Variants in ECE1 observed in about 807,000 individuals in gnomAD.
The protein encoded by ECE1 is endothelin-converting enzyme 1.
In ECE1, 35 loss-of-function variants were observed where a neutral mutation model predicts 98.6. The observed-to-expected ratio is 0.35, with a 90% confidence interval of 0.27 to 0.47. The LOEUF (loss-of-function observed/expected upper bound fraction) is 0.47, where lower values mean the gene tolerates loss of function less well. ECE1 is among the 20% of genes least tolerant of loss of function. The pLI, the probability that ECE1 is intolerant of heterozygous loss-of-function variation, is 1.00. For missense variants in ECE1, 814 were observed against 1,025.3 expected, an observed-to-expected ratio of 0.79 and a Z score of 2.81; for synonymous variants, 394 against 407.1, an observed-to-expected ratio of 0.97 and a Z score of 0.39.
At position 21,219,721 on chromosome 1, in the gene ECE1, G is replaced by A; in HGVS notation, c.*234C>T. On this transcript the variant is annotated 3_prime_UTR_variant, in exon 19 of 19. Coordinates refer to ENST00000374893, the MANE Select transcript of ECE1 (RefSeq NM_001397.3). This position sits in a 1 kb window ranked among gnomAD's most constrained non-coding sequence, Gnocchi z 4.5. The stretch of plus-strand genomic sequence containing the variant: ...TGAGCCACCAGCCCAGCACCCGAAT[G>A]CCTGCTGAAGGTGGCGCACACGTGT... 1.7e-6 allele frequency: 1 copy of A among 583,272 alleles called. No homozygotes were observed. Among genetic ancestry groups the A allele is most frequent in the Admixed American group, 2.8e-5 (1 of 35,472 alleles). 36.1% of individuals were successfully genotyped at this position (583,272 alleles called of 1,614,324 possible). A position where few individuals can be genotyped will look rare whatever the true frequency, so the allele number is the denominator to read the frequency against.
At chr1:21,296,525 AAG>A (rs887140775) in intron 1 of ECE1, among the ~76,000 whole-genome samples, 26 of 152,126 alleles carry the variant, frequency 1.7e-4, no homozygotes, top group South Asian at 1.7e-3. Context: ...CTACAAAAAA[AAG>A]AGAGAGAAAT....
chr1:21,315,789 CAA>C (rs754647376), intron 1 of ECE1, among the ~76,000 whole-genome samples: 23 of 47,268 alleles, frequency 4.9e-4, no homozygotes, highest in African/African-American at 4.7e-4. Context: ...GACTCTGTCT[CAA>C]AAAAAAAAAA....
At chr1:21,232,051 G>A (rs1010793601) in intron 14 of ECE1, among the ~76,000 whole-genome samples, 3 of 152,252 alleles carry the variant, frequency 2.0e-5, no homozygotes, top group South Asian at 2.1e-4. Flanking sequence ...CCTATGCCAT[G>A]TTCTGAAGGT....
intron 1 of ECE1, among the ~76,000 whole-genome samples, chr1:21,326,327 G>A (rs1639078396): frequency 6.6e-6 from 1 of 151,924 alleles, no homozygotes; most frequent in African/African-American, 2.4e-5. Context: ...AGCTGAGAAG[G>A]GTGAAGCCCC....
chr1:21,326,056 G>A (rs1026452416), intron 1 of ECE1, among the ~76,000 whole-genome samples: 49 of 152,340 alleles, frequency 3.2e-4, no homozygotes, highest in African/African-American at 1.1e-3. Context: ...CCTGGACCCA[G>A]TGGGGTGTGG....
chr1:21,258,595 C>A lies in ECE1; in HGVS notation c.762+98G>T. 3 of 1,224,188 alleles carry A rather than the reference C, an allele frequency of 2.5e-6. No individual in the cohort carries two copies. The highest frequency in any genetic ancestry group is 3.5e-6 in the Non-Finnish European group (3 of 859,104). The allele number at this position is 1,224,188 out of a possible 1,614,324, so 75.8% of individuals were successfully genotyped here. On this transcript the variant is annotated intron_variant, in intron 6 of 18. Transcript: ENST00000374893. The surrounding 1 kb of genome is among the most constrained non-coding windows in gnomAD (Gnocchi z 4.2). The stretch of plus-strand genomic sequence containing the variant: ...AGAAACTAGAAGACCGCCGTCCCAC[C>A]CAGGGCAAGCCCCTCTCCCACCCCA...
chr1:21,333,009 A>G (rs1639236064), intron 1 of ECE1, among the ~76,000 whole-genome samples: 1 of 152,100 alleles, frequency 6.6e-6, no homozygotes, highest in African/African-American at 2.4e-5. Context: ...CTCACTGAAT[A>G]TTTGCAGTCT....
At chr1:21,255,807 G>C in intron 8 of ECE1, 140 bp downstream of exon 8, 1 of 937,160 alleles carries the variant, frequency 1.1e-6, no homozygotes, top group Non-Finnish European at 1.6e-6. Flanking sequence ...TTCCATCTGT[G>C]GACTGGGCAT....
rs1475995629 is a variant in ECE1 at position 21,236,830 on chromosome 1, G to A, written c.1404C>T (p.Ile468=). ...CCTCAAATGCCTTCTTAATCTCCAGGATGATCTCGGTGGCCTGAGGAGATA... is the reference window on the plus strand; with the variant it reads ...CCTCAAATGCCTTCTTAATCTCCAGAATGATCTCGGTGGCCTGAGGAGATA... The part of the protein sequence containing the change: ...EDSKSIATEI[I]LEIKKAFEES... Residue 468 remains isoleucine (I), a synonymous_variant, in exon 12 of 19, where the codon ATC becomes ATT. Coordinates refer to ENST00000374893, the MANE Select transcript of ECE1 (RefSeq NM_001397.3). 2.5e-6 allele frequency: 4 copies of A among 1,613,700 alleles called. No homozygotes were observed. Among genetic ancestry groups the A allele is most frequent in the Non-Finnish European group, 3.4e-6 (4 of 1,180,000 alleles).
At chr1:21,226,347 G>A (rs1466036640) in intron 16 of ECE1, among the ~76,000 whole-genome samples, 1 of 152,154 alleles carries the variant, frequency 6.6e-6, no homozygotes, top group Non-Finnish European at 1.5e-5. Context: ...CAATCACCAC[G>A]GGAGGGTGGA....
chr1:21,245,690 C>T (rs751723923), intron 9 of ECE1, among the ~76,000 whole-genome samples: 2 of 152,048 alleles, frequency 1.3e-5, no homozygotes, highest in Non-Finnish European at 2.9e-5. Flanking sequence ...ACCAAAATGC[C>T]TGATAATGAG....
At chr1:21,274,489 T>C (rs1217041878) in intron 3 of ECE1, among the ~76,000 whole-genome samples, 2 of 152,118 alleles carry the variant, frequency 1.3e-5, no homozygotes, top group African/African-American at 2.4e-5. Context: ...GGAAGAAAGG[T>C]AGGACCAATT....
intron 17 of ECE1, among the ~76,000 whole-genome samples, chr1:21,222,833 C>A (rs1294598480): frequency 7.8e-6 from 1 of 128,174 alleles, no homozygotes; most frequent in African/African-American, 3.0e-5. Context: ...CAGAGTGAGA[C>A]CCTGTCTCAA....
rs564775901 is a variant in ECE1 at position 21,238,118 on chromosome 1, C to T, written c.1389+16G>A. 1.4e-4 allele frequency: 218 copies of T among 1,611,226 alleles called. No individual in the cohort carries two copies. The highest frequency in any genetic ancestry group is 1.7e-4 in the Non-Finnish European group (203 of 1,177,430). On this transcript the variant is annotated intron_variant, in intron 11 of 18. Coordinates refer to ENST00000374893, the MANE Select transcript of ECE1 (RefSeq NM_001397.3). ...AGTGTGACCTCACAGCCTGTGTCCA[C>T]GGGGAAGGCACTTACTATGCTCTTG...
intron 1 of ECE1, among the ~76,000 whole-genome samples, chr1:21,306,629 G>T (rs1453194222): frequency 6.6e-6 from 1 of 152,074 alleles, no homozygotes; most frequent in African/African-American, 2.4e-5. Flanking sequence ...CACTGCACCC[G>T]GCCATATTAT....
chr1:21,294,704 G>C (rs1209925759), upstream of ECE1, among the ~76,000 whole-genome samples: 1 of 152,218 alleles, frequency 6.6e-6, no homozygotes, highest in Admixed American at 6.5e-5. This position sits in a 1 kb window ranked among gnomAD's most constrained non-coding sequence, Gnocchi z 4.2. Flanking sequence ...CCTTTGCCCA[G>C]ACGACATTAG....
intron 1 of ECE1, among the ~76,000 whole-genome samples, chr1:21,301,266 G>A (rs112091008): frequency 0.14 from 21,947 of 152,044 alleles, 1,917 homozygotes; most frequent in Non-Finnish European, 0.2. Flanking sequence ...AGGCCGAGGC[G>A]GGCGGATCAC....
intron 11 of ECE1, among the ~76,000 whole-genome samples, chr1:21,237,363 G>A (rs562897886): frequency 6.6e-6 from 1 of 152,250 alleles, no homozygotes; most frequent in South Asian, 2.1e-4. Context: ...ATGGAAAGTT[G>A]AAGGTTCTAG....
At chr1:21,222,016 T>C in intron 17 of ECE1, 174 bp from the exon 18 acceptor site, 1 of 680,980 alleles carries the variant, frequency 1.5e-6, no homozygotes, top group Non-Finnish European at 2.7e-6. Context: ...CGTTTAGCCC[T>C]ATGGCTTAAA....
Sources: gnomAD v4.1 joint callset for allele counts (sites outside exome capture counted in the v4.1 genomes callset) on GRCh38, gnomAD v4.1.1 for gene constraint, Gnocchi (gnomAD v3.1) non-coding constraint, MANE v1.5 for transcripts, NCBI Gene and HGNC (gene_info 2026-07-23, HGNC 2026-07-21) for gene names.